The following SLC38A9 variants were observed in gnomAD, a reference collection of about 807,000 sequenced individuals.
SLC38A9 encodes the protein solute carrier family 38 member 9, also known as neutral amino acid transporter 9.
In SLC38A9, 48 loss-of-function variants were observed where a neutral mutation model predicts 62.3. That is an observed-to-expected ratio of 0.77 (90% CI 0.61 to 0.98). The LOEUF (loss-of-function observed/expected upper bound fraction) is 0.98, where lower values mean the gene tolerates loss of function less well. Among genes scored for constraint, SLC38A9 ranks in the 50% least tolerant of loss-of-function variants. The pLI is 0.00. For missense variants in SLC38A9, 541 were observed against 679.8 expected (o/e 0.80, Z 2.27); for synonymous variants, 204 against 227.7 (o/e 0.90, Z 0.94).
At chr5:55,639,508 A>G (rs1016403111) in intron 12 of SLC38A9, among the ~76,000 whole-genome samples, 4 of 152,010 alleles carry the variant, frequency 2.6e-5, no homozygotes, top group Non-Finnish European at 1.5e-5. Flanking sequence ...CTTCTTTTCT[A>G]TTTTCAAACT....
intron 12 of SLC38A9, among the ~76,000 whole-genome samples, chr5:55,640,174 CG>C (rs1320849531): frequency 1.3e-5 from 2 of 151,720 alleles, no homozygotes; most frequent in African/African-American, 2.4e-5. Context: ...TTAGTAGAGA[CG>C]GGGTTTTGCC....
Position 55,652,649 on chromosome 5 carries a change from C to T in SLC38A9, c.832G>A (p.Ala278Thr), listed in dbSNP as rs775611545. 7 of 1,613,618 alleles carry T rather than the reference C, an allele frequency of 4.3e-6. No homozygotes were observed. The African/African-American group carries it at 9.3e-5, about 22-fold the overall frequency. ...SMIFYANDTG[A>T]QQFEKWWDKS... Reference sequence around the variant, plus strand: ...TCCCACCACTTTTCAAACTGTTGGGCTCCTGTGTCATTGGCATAGAAAATC... The same window carrying T: ...TCCCACCACTTTTCAAACTGTTGGGTTCCTGTGTCATTGGCATAGAAAATC... Residue 278 changes from alanine (A) to threonine (T), a missense_variant, in exon 10 of 16, where the codon GCC (alanine) becomes ACC (threonine). Transcript: ENST00000396865.
chr5:55,669,395 T>TA, intron 6 of SLC38A9, 74 bp from the exon 7 acceptor site: 1 of 1,386,438 alleles, frequency 7.2e-7, no homozygotes, highest in Non-Finnish European at 1.0e-6. Flanking sequence ...TATTTTACCC[T>TA]AAACAATCAT....
Position 55,635,554 on chromosome 5 carries a change from C to CGTAT in SLC38A9, c.1270_1271insATAC (p.Cys424TyrfsTer4). On this transcript the variant is annotated frameshift_variant, in exon 13 of 16. Coordinates refer to ENST00000396865, the MANE Select transcript of SLC38A9 (RefSeq NM_173514.4). LOFTEE classifies it high-confidence loss of function. ...TACACGGTGCCTTACCTGCTCAATA[C>CGTAT]AATCTTTGGATAATGGTGGTGAAGG... 1 of 1,611,750 alleles carries CGTAT rather than the reference C, an allele frequency of 6.2e-7. No individual in the cohort carries two copies. The highest frequency in any genetic ancestry group is 8.5e-7 in the Non-Finnish European group (1 of 1,177,916).
chr5:55,680,468 C>G (rs1752844541), intron 3 of SLC38A9, among the ~76,000 whole-genome samples: 1 of 152,208 alleles, frequency 6.6e-6, no homozygotes, highest in Non-Finnish European at 1.5e-5. Context: ...CATTAAGGCC[C>G]TTACAAAAGA....
Position 55,626,615 on chromosome 5 carries a change from G to A in SLC38A9, c.1565C>T (p.Pro522Leu), listed in dbSNP as rs1742470707. The change falls in exon 16 of 16, where the codon CCA becomes CTA. Residue 522 changes from proline to leucine, a missense_variant. Physicochemically the swap from Pro to Leu is moderately conservative, Grantham distance 98. Coordinates refer to ENST00000396865, the MANE Select transcript of SLC38A9 (RefSeq NM_173514.4). The part of the protein sequence containing the change: ...ACGLAFVFIY[P>L]SLIYIISLHQ... The stretch of plus-strand genomic sequence containing the variant: ...GAGGGAAATTATATAGATGAGAGAT[G>A]GGTATATGAATACAAAGGCCAGTCC... 6.2e-7 allele frequency: 1 copy of A among 1,612,550 alleles called. No individual in the cohort carries two copies. The highest frequency in any genetic ancestry group is 8.5e-7 in the Non-Finnish European group (1 of 1,179,244).
intron 3 of SLC38A9, chr5:55,693,004 T>A (rs931615790): frequency 1.0e-6 from 1 of 984,504 alleles, no homozygotes; most frequent in Non-Finnish European, 1.2e-6. Flanking sequence ...TATGTGCGAA[T>A]GAAAATAGGA....
rs1748537842 is a variant in SLC38A9, at chr5:55,656,867, T to TTG, written c.698-94_698-93insCA. On this transcript the variant is annotated intron_variant, in intron 8 of 15. Transcript: ENST00000396865. ...TCTTTTATTTATAAAAATCTTTTTT[T>TTG]TTTCTTTCTTTGAGACGGAGTCTTG... The TTG allele has an allele frequency of 1.8e-5, 11 of 610,566 alleles. No individual in the cohort carries two copies. In the South Asian group the frequency reaches 3.3e-4, roughly 18 times the overall value. 37.8% of individuals were successfully genotyped at this position (610,566 alleles called of 1,614,324 possible).
At chr5:55,629,042 G>A (rs1294415216) in intron 14 of SLC38A9, among the ~76,000 whole-genome samples, 1 of 137,696 alleles carries the variant, frequency 7.3e-6, no homozygotes, top group Non-Finnish European at 1.5e-5. Flanking sequence ...AAGATATTAG[G>A]GCTTACAGAT....
At chr5:55,678,127 C>T (rs374502778) in intron 3 of SLC38A9, among the ~76,000 whole-genome samples, 84 of 138,702 alleles carry the variant, frequency 6.1e-4, no homozygotes, top group African/African-American at 2.1e-3. Context: ...AAAAGGTGAA[C>T]AAGGTTACTG....
At chr5:55,683,476 A>T (rs1390456045) in intron 3 of SLC38A9, among the ~76,000 whole-genome samples, 1 of 152,236 alleles carries the variant, frequency 6.6e-6, no homozygotes, top group African/African-American at 2.4e-5. Flanking sequence ...TCTCATTAGA[A>T]ATGTAGCACA....
chr5:55,653,995 A>G (rs1351502829), intron 9 of SLC38A9, among the ~76,000 whole-genome samples: 4 of 150,594 alleles, frequency 2.7e-5, no homozygotes, highest in African/African-American at 4.9e-5. Flanking sequence ...ACAAGTGGCA[A>G]TTTCTTCTGT....
At chr5:55,707,008 C>G (rs1022258855) in intron 2 of SLC38A9, among the ~76,000 whole-genome samples, 1 of 151,222 alleles carries the variant, frequency 6.6e-6, no homozygotes, top group African/African-American at 2.4e-5. Context: ...GTAGTGCCAT[C>G]TGGGCTTGCT....
At chr5:55,630,142 T>C (rs73119735) in intron 14 of SLC38A9, among the ~76,000 whole-genome samples, 7,443 of 152,244 alleles carry the variant, frequency 0.049, 315 homozygotes, top group African/African-American at 0.11. Flanking sequence ...AAAAAGCTAT[T>C]AAAAGTACTC....
chr5:55,659,280 C>T (rs1166684548), intron 8 of SLC38A9, among the ~76,000 whole-genome samples: 1 of 103,860 alleles, frequency 9.6e-6, no homozygotes, highest in Admixed American at 9.3e-5. Flanking sequence ...TATAGATACA[C>T]ATTTATACGT....
intron 3 of SLC38A9, chr5:55,691,281 G>A: frequency 6.8e-7 from 1 of 1,464,382 alleles, no homozygotes; most frequent in African/African-American, 1.4e-5. Context: ...ATACCAAGCT[G>A]ACAACAGAGC....
intron 2 of SLC38A9, among the ~76,000 whole-genome samples, chr5:55,710,202 CTTTTT>C (rs34035874): frequency 1.4e-4 from 20 of 139,188 alleles, no homozygotes; most frequent in Admixed American, 9.9e-4. Context: ...TAGGTGACAA[CTTTTT>C]TTTTTTTTTT....
rs199794672 is a variant in SLC38A9, at chr5:55,669,783, C to T, written c.343G>A (p.Gly115Ser). The change falls in exon 5 of 16, where the codon GGT becomes AGT. Residue 115 changes from glycine to serine, a missense_variant. Coordinates refer to ENST00000396865, the MANE Select transcript of SLC38A9 (RefSeq NM_173514.4). The stretch of plus-strand genomic sequence containing the variant: ...ATGGTTACTAAACTGGTGTTTTTAC[C>T]GTATCCTTCAGTGTAACTTTGAAGT... ...YKLQSYTEGY[G>S]KNTSLVTIFM... 49 of 1,613,658 alleles carry T rather than the reference C, an allele frequency of 3.0e-5. No individual in the cohort carries two copies. Among genetic ancestry groups the T allele is most frequent in the African/African-American group, 2.4e-4 (18 of 75,012 alleles).
intron 12 of SLC38A9, among the ~76,000 whole-genome samples, chr5:55,642,939 C>A (rs1745670589): frequency 6.6e-6 from 1 of 152,162 alleles, no homozygotes; most frequent in Non-Finnish European, 1.5e-5. Flanking sequence ...CAAACATTAC[C>A]CCTTACTCAA....
Sources: allele counts gnomAD v4.1 joint callset (sites outside exome capture counted in the v4.1 genomes callset), GRCh38; gene constraint gnomAD v4.1.1; transcripts MANE v1.5; gene names NCBI Gene and HGNC (gene_info 2026-07-23, HGNC 2026-07-21).